ADGRB3: variants seen among roughly 807,000 people sequenced by gnomAD.
ADGRB3 encodes brain-specific angiogenesis inhibitor 3.
A neutral mutation model predicts 193.4 loss-of-function variants in ADGRB3; 37 were observed. That is an observed-to-expected ratio of 0.19 (90% confidence interval 0.15 to 0.25). ADGRB3 has a LOEUF of 0.25. ADGRB3 is among the 10% of genes least tolerant of loss of function. The pLI, the probability that ADGRB3 is intolerant of heterozygous loss-of-function variation, is 1.00. For missense variants in ADGRB3, 1,637 were observed against 1,852.9 expected (o/e 0.88, Z 2.14); for synonymous variants, 690 against 644.2 (o/e 1.07, Z -1.08).
chr6:68,882,579 T>C (rs1198323440), intron 3 of ADGRB3, among the ~76,000 whole-genome samples: 1 of 152,230 alleles, frequency 6.6e-6, no homozygotes, highest in Non-Finnish European at 1.5e-5. Context: ...TAATGTCCTA[T>C]ATAGTTATCT....
intron 20 of ADGRB3, among the ~76,000 whole-genome samples, chr6:69,286,938 A>G (rs1448430085): frequency 2.0e-5 from 3 of 152,220 alleles, no homozygotes; most frequent in Non-Finnish European, 2.9e-5. Context: ...TAACTAACAC[A>G]TTGCTGATTT....
intron 17 of ADGRB3, among the ~76,000 whole-genome samples, chr6:69,136,005 A>T (rs1774139059): frequency 6.6e-6 from 1 of 152,084 alleles, no homozygotes; most frequent in South Asian, 2.1e-4. Context: ...AACCAAAATT[A>T]AATAACTTGT....
In ADGRB3 at chr6:68,677,497, T is replaced by A. The variant is rs892143214; in HGVS notation, c.757+38065T>A. ...TTATTTATAAATAGTATCATAGGAA[T>A]TTTTTTCTTTTTTTTCTTTTTTTCT... is the stretch of plus-strand genomic sequence containing the variant. On this transcript the variant is annotated intron_variant, in intron 3 of 31. Transcript: ENST00000370598. Among the ~76,000 whole-genome samples the A allele has an allele frequency of 3.4e-5, 5 of 148,282 alleles. No homozygotes were observed. In the East Asian group the frequency reaches 5.9e-4, roughly 17 times the overall value.
chr6:69,316,173 A>G (rs1443154631), intron 20 of ADGRB3, among the ~76,000 whole-genome samples: 1 of 151,384 alleles, frequency 6.6e-6, no homozygotes, highest in African/African-American at 2.4e-5. Flanking sequence ...GAAATAAAGT[A>G]AATATAGTAT....
intron 17 of ADGRB3, among the ~76,000 whole-genome samples, chr6:69,231,735 C>A (rs1186181045): frequency 6.6e-6 from 1 of 152,004 alleles, no homozygotes; most frequent in Non-Finnish European, 1.5e-5. Flanking sequence ...TCAAAAATGG[C>A]CAATACTTAG....
At chr6:68,760,170 C>T (rs1261684173) in intron 3 of ADGRB3, among the ~76,000 whole-genome samples, 2 of 152,102 alleles carry the variant, frequency 1.3e-5, no homozygotes, top group Admixed American at 6.6e-5. Flanking sequence ...ATCACTTATT[C>T]GTTGCAAATG....
chr6:68,996,467 T>C (rs1364879606), intron 11 of ADGRB3, among the ~76,000 whole-genome samples: 2 of 152,216 alleles, frequency 1.3e-5, no homozygotes, highest in Non-Finnish European at 2.9e-5. Context: ...AATGACAACT[T>C]GAAGTCATTA....
chr6:68,862,345 T>C (rs1202720987), intron 3 of ADGRB3, among the ~76,000 whole-genome samples: 3 of 152,132 alleles, frequency 2.0e-5, no homozygotes, highest in Non-Finnish European at 4.4e-5. Context: ...CACATTGGTA[T>C]CTGCAATCTA....
intron 17 of ADGRB3, among the ~76,000 whole-genome samples, chr6:69,142,552 A>T (rs1395234259): frequency 6.6e-6 from 1 of 152,162 alleles, no homozygotes; most frequent in Non-Finnish European, 1.5e-5. Flanking sequence ...TTGCAAATTC[A>T]TGTTTTTGGT....
chr6:68,719,585 A>G (rs539534742), intron 3 of ADGRB3, among the ~76,000 whole-genome samples: 1 of 151,868 alleles, frequency 6.6e-6, no homozygotes, highest in South Asian at 2.1e-4. Context: ...ACTCTTTGTG[A>G]TCCCTAGTTG....
intron 3 of ADGRB3, among the ~76,000 whole-genome samples, chr6:68,656,501 ATGT>A (rs1359147098): frequency 6.6e-6 from 1 of 151,556 alleles, no homozygotes; most frequent in African/African-American, 2.4e-5. Flanking sequence ...GCATGCAAAA[ATGT>A]TGTTGTAATT....
intron 19 of ADGRB3, 103 bp from the exon 20 acceptor site, chr6:69,239,021 C>T (rs533210340): frequency 1.8e-6 from 1 of 551,342 alleles, no homozygotes; most frequent in East Asian, 2.9e-5. Context: ...TCCTGTGCTA[C>T]AGTACTTATT....
chr6:68,636,250 T>C (rs1767946753), intron 1 of ADGRB3, among the ~76,000 whole-genome samples: 1 of 151,976 alleles, frequency 6.6e-6, no homozygotes, highest in African/African-American at 2.4e-5. Context: ...CTGGCAGTTT[T>C]GTGTGATTGG....
chr6:68,661,559 A>AG (rs1768659389), intron 3 of ADGRB3, among the ~76,000 whole-genome samples: 1 of 138,066 alleles, frequency 7.2e-6, no homozygotes, highest in African/African-American at 2.7e-5. Flanking sequence ...ATATATATAT[A>AG]TATATATATA....
chr6:68,803,836 G>A (rs1422216236), intron 3 of ADGRB3, among the ~76,000 whole-genome samples: 2 of 152,078 alleles, frequency 1.3e-5, no homozygotes, highest in East Asian at 1.9e-4. Flanking sequence ...ACTGCACTAC[G>A]GAAATGGTTC....
At chr6:68,802,565 A>G (rs1218855579) in intron 3 of ADGRB3, among the ~76,000 whole-genome samples, 1 of 152,198 alleles carries the variant, frequency 6.6e-6, no homozygotes, top group Non-Finnish European at 1.5e-5. Flanking sequence ...GAAGAATAGC[A>G]TGGTATAACA....
chr6:68,825,732 T>TC (rs1183750572), intron 3 of ADGRB3, among the ~76,000 whole-genome samples: 1 of 152,180 alleles, frequency 6.6e-6, no homozygotes, highest in Non-Finnish European at 1.5e-5. Flanking sequence ...TGGGGCTCTT[T>TC]CCCCTTCACT....
intron 3 of ADGRB3, among the ~76,000 whole-genome samples, chr6:68,783,571 G>A (rs1267455336): frequency 2.6e-5 from 4 of 151,780 alleles, no homozygotes; most frequent in African/African-American, 9.6e-5. Context: ...CTAAGAGCTT[G>A]GGAAGCGTGG....
chr6:69,208,141 G>A lies in ADGRB3; in HGVS notation c.2481-25149G>A, dbSNP rs576727121. On this transcript the variant is annotated intron_variant, in intron 17 of 31. Coordinates refer to ENST00000370598, the MANE Select transcript of ADGRB3 (RefSeq NM_001704.3). ...CGTAACCTCCATTCCTGCCACCATG[G>A]CCACATTGTTCATGGGCCCATTGGG... Among the ~76,000 whole-genome samples, 4 of 152,296 alleles carry A rather than the reference G, an allele frequency of 2.6e-5. No homozygotes were observed. The South Asian group carries it at 6.2e-4, about 24-fold the overall frequency.
Sources: gnomAD v4.1 joint callset for allele counts (sites outside exome capture counted in the v4.1 genomes callset) on GRCh38, gnomAD v4.1.1 for gene constraint, MANE v1.5 for transcripts, NCBI Gene and HGNC (gene_info 2026-07-23, HGNC 2026-07-21) for gene names.